The following PUM2 variants were observed in gnomAD, a reference collection of about 807,000 sequenced individuals.
The protein encoded by PUM2 is pumilio homolog 2.
PUM2 carries 57 observed loss-of-function variants against 124.5 expected under a neutral mutation model. The observed-to-expected ratio is 0.46, with a 90% confidence interval of 0.37 to 0.57. The LOEUF is 0.57. PUM2 is among the 20% of genes least tolerant of loss of function. The pLI is 0.00. For missense variants in PUM2, 1,065 were observed against 1,290.6 expected (o/e 0.83, Z 2.68); for synonymous variants, 460 against 446.1 (o/e 1.03, Z -0.39).
chr2:20,325,606 G>C (rs1286376672), intron 2 of PUM2, among the ~76,000 whole-genome samples: 1 of 151,378 alleles, frequency 6.6e-6, no homozygotes, highest in African/African-American at 2.4e-5. Context: ...ATTAATGTAG[G>C]AGTATGACTC....
intron 1 of PUM2, among the ~76,000 whole-genome samples, chr2:20,342,395 A>G (rs1288441620): frequency 6.6e-6 from 1 of 152,198 alleles, no homozygotes. Flanking sequence ...CTCTGAGTAC[A>G]TGTTCAATCT....
intron 2 of PUM2, among the ~76,000 whole-genome samples, chr2:20,326,609 A>C (rs902875395): frequency 1.3e-5 from 2 of 152,242 alleles, no homozygotes; most frequent in Non-Finnish European, 2.9e-5. Context: ...GCTATATGAA[A>C]AATGAAGTAT....
intron 13 of PUM2, among the ~76,000 whole-genome samples, chr2:20,278,100 T>G (rs1027370574): frequency 6.6e-6 from 1 of 152,194 alleles, no homozygotes; most frequent in Admixed American, 6.6e-5. Context: ...TAAGCTTCCT[T>G]AAGTGACAAA....
At chr2:20,272,269 A>T (rs193109277) in intron 13 of PUM2, among the ~76,000 whole-genome samples, 3,717 of 152,132 alleles carry the variant, frequency 0.024, 65 homozygotes, top group Middle Eastern at 0.041. Context: ...GTGGGCTCAA[A>T]ATTTTGGTTC....
chr2:20,301,782 T>C (rs553162971), intron 7 of PUM2, among the ~76,000 whole-genome samples: 44 of 152,180 alleles, frequency 2.9e-4, no homozygotes, highest in Non-Finnish European at 6.2e-4. Flanking sequence ...TTTTGCCTAT[T>C]GCTTAGGCTG....
intron 1 of PUM2, among the ~76,000 whole-genome samples, chr2:20,339,179 T>A (rs1293024507): frequency 6.6e-6 from 1 of 150,850 alleles, no homozygotes; most frequent in South Asian, 2.1e-4. Context: ...TTCCTAAATA[T>A]ACTTACATGC....
chr2:20,285,221 T>A (rs900670633), intron 10 of PUM2, among the ~76,000 whole-genome samples: 1 of 152,202 alleles, frequency 6.6e-6, no homozygotes, highest in Non-Finnish European at 1.5e-5. Flanking sequence ...TACCTTCCAA[T>A]CTTTCTCAAA....
intron 10 of PUM2, among the ~76,000 whole-genome samples, chr2:20,289,920 C>G (rs969201106): frequency 7.2e-5 from 11 of 152,130 alleles, no homozygotes; most frequent in Admixed American, 5.9e-4. Context: ...TGAAAAAAAG[C>G]ATACTTAAAT....
intron 1 of PUM2, among the ~76,000 whole-genome samples, chr2:20,336,748 C>CTGTG (rs70939037): frequency 0.014 from 1,390 of 97,454 alleles, 11 homozygotes; most frequent in African/African-American, 0.017. Context: ...CCAGGCTGAT[C>CTGTG]TGTGTGTGTG....
In PUM2 at chr2:20,296,822, T is replaced by C. The variant is rs145869011; in HGVS notation, c.1009+731A>G. On this transcript the variant is annotated intron_variant, in intron 8 of 20. Transcript: ENST00000361078. ...CAACTAAGATCAGCAAATCGCTTTGTTCAAATAAGACTGTGCCTGATCAGC... is the reference window on the plus strand; with the variant it reads ...CAACTAAGATCAGCAAATCGCTTTGCTCAAATAAGACTGTGCCTGATCAGC... Among the ~76,000 whole-genome samples, 1,167 of 152,314 alleles carry C rather than the reference T, an allele frequency of 7.7e-3. 11 individuals are homozygous for C. The highest frequency in any genetic ancestry group is 0.027 in the African/African-American group (1,117 of 41,558).
At chr2:20,315,161 A>C (rs542971537) in intron 3 of PUM2, among the ~76,000 whole-genome samples, 1 of 151,406 alleles carries the variant, frequency 6.6e-6, no homozygotes, top group East Asian at 1.9e-4. Flanking sequence ...TTGACCTCCT[A>C]AAGTGCTGCA....
At chr2:20,329,109 T>C (rs1040325762) in intron 1 of PUM2, among the ~76,000 whole-genome samples, 2 of 147,772 alleles carry the variant, frequency 1.4e-5, no homozygotes, top group African/African-American at 2.5e-5. Flanking sequence ...AGGTCAAGGC[T>C]ACAGCAGTAA....
intron 14 of PUM2, among the ~76,000 whole-genome samples, chr2:20,261,530 TAAA>T (rs199675974): frequency 2.2e-5 from 3 of 139,030 alleles, no homozygotes; most frequent in Admixed American, 7.2e-5. Context: ...TCCACTTGTT[TAAA>T]AAAAAAAAAA....
chr2:20,291,868 C>T (rs1331817077), intron 9 of PUM2, among the ~76,000 whole-genome samples: 4 of 152,012 alleles, frequency 2.6e-5, no homozygotes, highest in Non-Finnish European at 5.9e-5. Flanking sequence ...AACGCCAACC[C>T]AAGCATCCTT....
rs1176380434 is a variant in PUM2 at position 20,251,068 on chromosome 2, TA to T, written c.*516del. The stretch of plus-strand genomic sequence containing the variant: ...TATCAAAATACAACTTAACTCTTTT[TA>T]AAATATTAATAATATTTATGCAGTT... On this transcript the variant is annotated 3_prime_UTR_variant, in exon 21 of 21. Coordinates refer to ENST00000361078, the MANE Select transcript of PUM2 (RefSeq NM_015317.5). The T allele has an allele frequency of 6.6e-6, 1 of 152,624 alleles. No homozygotes were observed. The highest frequency in any genetic ancestry group is 1.5e-5 in the Non-Finnish European group (1 of 68,014). 9.5% of individuals were successfully genotyped at this position (152,624 alleles called of 1,614,324 possible).
intron 13 of PUM2, among the ~76,000 whole-genome samples, chr2:20,276,813 C>T (rs138071746): frequency 1.3e-5 from 2 of 151,960 alleles, no homozygotes; most frequent in African/African-American, 4.8e-5. Context: ...AAGAAAATAA[C>T]ACAGGTAATT....
intron 9 of PUM2, among the ~76,000 whole-genome samples, chr2:20,291,791 C>T (rs1190231751): frequency 6.6e-6 from 1 of 152,058 alleles, no homozygotes; most frequent in Non-Finnish European, 1.5e-5. Flanking sequence ...CTCTGAACTG[C>T]TCTTTCAGTT....
At chr2:20,278,507 C>T (rs1670762942) in intron 13 of PUM2, 76 bp downstream of exon 13, 5 of 1,190,664 alleles carry the variant, frequency 4.2e-6, no homozygotes, top group East Asian at 2.5e-5. Flanking sequence ...AAATATTTTA[C>T]ATATATTATA....
intron 1 of PUM2, among the ~76,000 whole-genome samples, chr2:20,339,016 T>C (rs761412563): frequency 6.6e-6 from 1 of 152,232 alleles, no homozygotes; most frequent in Non-Finnish European, 1.5e-5. Context: ...ATAGTCATGT[T>C]AACTTGGAAA....
Sources: gnomAD v4.1 joint callset for allele counts (sites outside exome capture counted in the v4.1 genomes callset) on GRCh38, gnomAD v4.1.1 for gene constraint, MANE v1.5 for transcripts, NCBI Gene and HGNC (gene_info 2026-07-23, HGNC 2026-07-21) for gene names.